Variants in SNTG2 observed in about 807,000 individuals in gnomAD.
SNTG2 encodes the protein gamma-2-syntrophin.
SNTG2 carries 74 observed loss-of-function variants against 70.9 expected under a neutral mutation model. That is an observed-to-expected ratio of 1.04 (90% CI 0.86 to 1.27). The LOEUF is 1.27. Among genes scored for constraint, SNTG2 ranks in the 50% most tolerant of loss-of-function variants. The probability of loss-of-function intolerance (pLI) is 0.00; values close to 1 mark genes in which losing one functional copy is unlikely to be tolerated. For missense variants in SNTG2, 717 were observed against 690.7 expected (o/e 1.04, Z -0.43); for synonymous variants, 278 against 273.8 (o/e 1.02, Z -0.15).
chr2:1,112,761 C>G (rs984778122), intron 4 of SNTG2, among the ~76,000 whole-genome samples: 1 of 145,942 alleles, frequency 6.9e-6, no homozygotes, highest in African/African-American at 2.5e-5. Flanking sequence ...TTAACCCTTA[C>G]AGTCCTTTGA....
At chr2:1,044,149 G>GCTGT (rs1661597551) in intron 1 of SNTG2, among the ~76,000 whole-genome samples, 1 of 151,846 alleles carries the variant, frequency 6.6e-6, no homozygotes, top group South Asian at 2.1e-4. Context: ...ACCCCGGTTA[G>GCTGT]CTGTATTCCT....
At chr2:1,163,509 C>T (rs1670483522) in intron 6 of SNTG2, 1 of 150,674 alleles carries the variant, frequency 6.6e-6, no homozygotes, top group African/African-American at 2.4e-5. Flanking sequence ...GGCCTCCCAA[C>T]AGGAAGTGGC....
intron 13 of SNTG2, among the ~76,000 whole-genome samples, chr2:1,261,880 G>A (rs1221786286): frequency 6.6e-6 from 1 of 152,102 alleles, no homozygotes; most frequent in Admixed American, 6.6e-5. Flanking sequence ...AGACAGGGAT[G>A]GGGCCCAGAC....
intron 16 of SNTG2, among the ~76,000 whole-genome samples, chr2:1,352,216 A>G (rs1203559949): frequency 1.3e-5 from 2 of 152,200 alleles, no homozygotes; most frequent in Admixed American, 6.5e-5. Context: ...ACGAGTTGCA[A>G]CCAAAGCCAT....
intron 1 of SNTG2, among the ~76,000 whole-genome samples, chr2:1,000,188 T>C (rs193004992): frequency 1.3e-5 from 2 of 151,232 alleles, no homozygotes; most frequent in Admixed American, 1.3e-4. Context: ...AATAGAAATA[T>C]TACAAATTAA....
intron 9 of SNTG2, among the ~76,000 whole-genome samples, chr2:1,210,227 A>AT (rs1459301853): frequency 6.6e-6 from 1 of 152,150 alleles, no homozygotes; most frequent in Non-Finnish European, 1.5e-5. Context: ...AGTAAGCTTG[A>AT]TTTTCAGATT....
At chr2:1,058,606 T>A (rs1428277085) in intron 1 of SNTG2, among the ~76,000 whole-genome samples, 2 of 152,200 alleles carry the variant, frequency 1.3e-5, no homozygotes, top group Non-Finnish European at 2.9e-5. Context: ...TGATTAAAGT[T>A]TGGTTGAGCA....
chr2:1,162,555 T>C (rs1572611918), intron 6 of SNTG2, among the ~76,000 whole-genome samples: 1 of 152,118 alleles, frequency 6.6e-6, no homozygotes, highest in African/African-American at 2.4e-5. Context: ...GGCTGGACAG[T>C]GGACAGCGGA....
intron 1 of SNTG2, among the ~76,000 whole-genome samples, chr2:1,029,799 C>A (rs1209770484): frequency 6.6e-6 from 1 of 152,232 alleles, no homozygotes; most frequent in African/African-American, 2.4e-5. Context: ...AGTCACCTTT[C>A]CAGAACCTTC....
chr2:1,125,965 A>C (rs757198816), intron 4 of SNTG2, among the ~76,000 whole-genome samples: 1 of 152,346 alleles, frequency 6.6e-6, no homozygotes, highest in South Asian at 2.1e-4. Context: ...CATATTCATC[A>C]TCTCCAACAT....
At chr2:1,266,163 T>G (rs1432020019) in intron 13 of SNTG2, among the ~76,000 whole-genome samples, 1 of 150,580 alleles carries the variant, frequency 6.6e-6, no homozygotes, top group Non-Finnish European at 1.5e-5. Flanking sequence ...GACAGAGACA[T>G]AGAAATGGAG....
intron 16 of SNTG2, among the ~76,000 whole-genome samples, chr2:1,362,539 C>T (rs574982253): frequency 6.7e-6 from 1 of 149,654 alleles, no homozygotes; most frequent in African/African-American, 2.4e-5. Context: ...TGAAAGTCAC[C>T]AATGCTGAGC....
intron 4 of SNTG2, among the ~76,000 whole-genome samples, chr2:1,122,523 A>G (rs1040340162): frequency 9.2e-5 from 14 of 152,142 alleles, no homozygotes; most frequent in African/African-American, 3.1e-4. Flanking sequence ...ACAAAGCCCA[A>G]TATCTATGAT....
intron 16 of SNTG2, among the ~76,000 whole-genome samples, chr2:1,350,144 T>C (rs182347898): frequency 6.6e-6 from 1 of 152,150 alleles, no homozygotes; most frequent in African/African-American, 2.4e-5. Context: ...ATTTCAGACA[T>C]TGCATCCCCC....
At chr2:986,921 G>T (rs1164768277) in intron 1 of SNTG2, among the ~76,000 whole-genome samples, 1 of 152,202 alleles carries the variant, frequency 6.6e-6, no homozygotes, top group Non-Finnish European at 1.5e-5. Flanking sequence ...AGATTAAAAT[G>T]GGAATACTTG....
chr2:1,265,351 C>T (rs1326885317), intron 13 of SNTG2, among the ~76,000 whole-genome samples: 3 of 152,196 alleles, frequency 2.0e-5, no homozygotes, highest in African/African-American at 7.2e-5. Context: ...CACGTACACA[C>T]ACATTCATGT....
At chr2:997,846 C>T (rs1661739266) in intron 1 of SNTG2, among the ~76,000 whole-genome samples, 1 of 152,190 alleles carries the variant, frequency 6.6e-6, no homozygotes, top group Admixed American at 6.5e-5. Context: ...TGGCCCTTAC[C>T]TGCATGAATC....
At chr2:1,057,421 A>T (rs781016839) in intron 1 of SNTG2, among the ~76,000 whole-genome samples, 23 of 152,150 alleles carry the variant, frequency 1.5e-4, no homozygotes, top group Non-Finnish European at 2.9e-4. Flanking sequence ...TCACACGTTC[A>T]CAAGTGTGAA....
At chr2:1,263,529 A>C (rs1365085421) in intron 13 of SNTG2, among the ~76,000 whole-genome samples, 2 of 152,004 alleles carry the variant, frequency 1.3e-5, no homozygotes, top group African/African-American at 4.8e-5. Flanking sequence ...GGAACATAAT[A>C]AGATGATGTC....
Sources: gnomAD v4.1 joint callset for allele counts (sites outside exome capture counted in the v4.1 genomes callset) on GRCh38, gnomAD v4.1.1 for gene constraint, MANE v1.5 for transcripts, NCBI Gene and HGNC (gene_info 2026-07-23, HGNC 2026-07-21) for gene names.